Variants in VPS13A observed in about 807,000 individuals in gnomAD.
The protein encoded by VPS13A is intermembrane lipid transfer protein VPS13A.
Under a neutral mutation model 390.9 loss-of-function variants are expected in VPS13A, and 264 were observed. The ratio of observed to expected loss-of-function variants is 0.68; its 90% CI spans 0.61 to 0.75. The LOEUF (loss-of-function observed/expected upper bound fraction) is 0.75, where lower values mean the gene tolerates loss of function less well. Ranked by LOEUF, VPS13A falls within the 30% of genes least tolerant of loss-of-function variation. VPS13A has a pLI of 0.00. For missense variants in VPS13A, 3,409 were observed against 3,733.9 expected (o/e 0.91, Z 2.27); for synonymous variants, 1,231 against 1,227.1 (o/e 1.00, Z -0.07).
At chr9:77,326,058 C>T (rs1830005047) in intron 45 of VPS13A, among the ~76,000 whole-genome samples, 1 of 152,108 alleles carries the variant, frequency 6.6e-6, no homozygotes, top group African/African-American at 2.4e-5. Context: ...TTTTTCCCCC[C>T]ATACTTTAAA....
At chr9:77,286,154 C>CT (rs1012406510) in intron 31 of VPS13A, among the ~76,000 whole-genome samples, 3 of 151,848 alleles carry the variant, frequency 2.0e-5, no homozygotes, top group Admixed American at 6.6e-5. Context: ...GGAATATTTT[C>CT]TTTTTTTTAT....
Position 77,201,396 on chromosome 9 carries a change from T to C in VPS13A, c.176T>C (p.Val59Ala). 3 of 1,610,622 alleles carry C rather than the reference T, an allele frequency of 1.9e-6. No individual in the cohort carries two copies. Among genetic ancestry groups the C allele is most frequent in the Non-Finnish European group, 1.7e-6 (2 of 1,177,098 alleles). The change falls in exon 3 of 72, where the codon GTT (valine) becomes GCT (alanine). Residue 59 changes from valine to alanine, a missense_variant. Physicochemically the swap from Val to Ala is moderately conservative, Grantham distance 64. Coordinates refer to ENST00000360280, the MANE Select transcript of VPS13A (RefSeq NM_033305.3). ...CTGGATGTACCATTTAAAGTTAAAGTTGGTCACATAGGTAAGCCATATTCA... is the reference window on the plus strand; with the variant it reads ...CTGGATGTACCATTTAAAGTTAAAGCTGGTCACATAGGTAAGCCATATTCA... ...SQLDVPFKVK[V>A]GHIGNLKLII...
intron 71 of VPS13A, among the ~76,000 whole-genome samples, chr9:77,412,288 C>T (rs1168398384): frequency 1.3e-5 from 2 of 151,922 alleles, no homozygotes; most frequent in African/African-American, 2.4e-5. Context: ...AGAGACACAA[C>T]AAAAAAAGAG....
At chr9:77,377,174 A>G (rs547575193) in intron 67 of VPS13A, among the ~76,000 whole-genome samples, 35 of 150,774 alleles carry the variant, frequency 2.3e-4, no homozygotes, top group African/African-American at 7.6e-4. Flanking sequence ...CTTCTTTTTA[A>G]AAACTTATTC....
rs562124782 is a variant in VPS13A, at chr9:77,322,906, C to T, written c.5831-161C>T. On this transcript the variant is annotated intron_variant, in intron 44 of 71. Transcript: ENST00000360280. Reference sequence around the variant, plus strand: ...TTAATTAATGCTGTGGAAATATATGCTGGCTTCTTAAAATATCCCTTTTAT... The same window carrying T: ...TTAATTAATGCTGTGGAAATATATGTTGGCTTCTTAAAATATCCCTTTTAT... 1.8e-3 allele frequency among the ~76,000 whole-genome samples: 280 copies of T among 152,110 alleles called. 1 individual carries two copies. Among genetic ancestry groups the T allele is most frequent in the African/African-American group, 6.4e-3 (265 of 41,516 alleles).
intron 1 of VPS13A, among the ~76,000 whole-genome samples, chr9:77,198,115 G>C (rs1358938298): frequency 6.6e-6 from 1 of 151,962 alleles, no homozygotes; most frequent in Non-Finnish European, 1.5e-5. Flanking sequence ...GCTGTGTTTT[G>C]ATTAAAAGGT....
intron 62 of VPS13A, among the ~76,000 whole-genome samples, 197 bp from the exon 63 acceptor site, chr9:77,369,102 G>A (rs1348118954): frequency 6.6e-6 from 1 of 152,162 alleles, no homozygotes; most frequent in Non-Finnish European, 1.5e-5. Context: ...CCGCATTCCA[G>A]CCTGGGCAAC....
chr9:77,203,970 G>A (rs1401331018), intron 3 of VPS13A, among the ~76,000 whole-genome samples: 1 of 152,130 alleles, frequency 6.6e-6, no homozygotes, highest in African/African-American at 2.4e-5. Flanking sequence ...CAAGAGGATT[G>A]CTTGAGGCCA....
At chr9:77,219,837 G>A in intron 10 of VPS13A, 117 bp from the exon 11 acceptor site, 1 of 1,041,856 alleles carries the variant, frequency 9.6e-7, no homozygotes, top group Non-Finnish European at 1.5e-6. Context: ...TGAACATCTG[G>A]GAACTGTAGA....
At chr9:77,371,880 C>T (rs1201731837) in intron 67 of VPS13A, among the ~76,000 whole-genome samples, 1 of 135,050 alleles carries the variant, frequency 7.4e-6, no homozygotes, top group Non-Finnish European at 1.6e-5. Flanking sequence ...CAGTTCCCAC[C>T]TATGAGTGAG....
At chr9:77,360,431 G>A (rs573038289) in intron 58 of VPS13A, 105 bp from the exon 59 acceptor site, 4 of 849,670 alleles carry the variant, frequency 4.7e-6, no homozygotes, top group Admixed American at 1.9e-5. Context: ...ATAGTCCTAA[G>A]TTTCAAAGTT....
chr9:77,253,895 A>ATT (rs1160958412), intron 22 of VPS13A, among the ~76,000 whole-genome samples: 9 of 131,782 alleles, frequency 6.8e-5, no homozygotes, highest in Non-Finnish European at 1.5e-4. Flanking sequence ...CATTGAGTTA[A>ATT]TTTTTGTATG....
At chr9:77,366,996 C>A in intron 61 of VPS13A, 124 bp downstream of exon 61, 3 of 939,432 alleles carry the variant, frequency 3.2e-6, no homozygotes, top group East Asian at 2.7e-5. Context: ...GAGGTTTTTG[C>A]ATTCAAGTGA....
At chr9:77,414,702 C>G (rs1282627093) in intron 71 of VPS13A, among the ~76,000 whole-genome samples, 3 of 151,132 alleles carry the variant, frequency 2.0e-5, no homozygotes, top group Non-Finnish European at 1.5e-5. Flanking sequence ...AACTAACCTG[C>G]ACGTTGTGCA....
chr9:77,277,182 A>G (rs1042948132), intron 26 of VPS13A, among the ~76,000 whole-genome samples: 1 of 152,200 alleles, frequency 6.6e-6, no homozygotes, highest in African/African-American at 2.4e-5. Flanking sequence ...AGAGGCAATT[A>G]TTAGGACACC....
In VPS13A at chr9:77,213,600, A is replaced by G. The variant is rs72742574; in HGVS notation, c.696+286A>G. ...CAGCTTCTAACTCTTGGGCTCAAGCAATCATCCTTCCTGCCTCAGCCTCTT... is the reference window on the plus strand; with the variant it reads ...CAGCTTCTAACTCTTGGGCTCAAGCGATCATCCTTCCTGCCTCAGCCTCTT... On this transcript the variant is annotated intron_variant, in intron 9 of 71. Coordinates refer to ENST00000360280, the MANE Select transcript of VPS13A (RefSeq NM_033305.3). Among the ~76,000 whole-genome samples the G allele has an allele frequency of 0.055, 8,317 of 151,830 alleles. 337 individuals are homozygous for G. Among genetic ancestry groups the G allele is most frequent in the Middle Eastern group, 0.12 (36 of 294 alleles).
rs774454191 is a variant in VPS13A at position 77,365,471 on chromosome 9, T to C, written c.8223T>C (p.Phe2741=). The C allele has an allele frequency of 3.4e-5, 54 of 1,606,234 alleles. No homozygotes were observed. The Middle Eastern group carries it at 5.0e-4, about 15-fold the overall frequency. ...EVTENTEVEL[F]HKDIEAFKEE... Reference sequence around the variant, plus strand: ...TGTTCCTTTTATAGGTTGAGCTTTTTCATAAAGATATAGAAGCTTTCAAAG... The same window carrying C: ...TGTTCCTTTTATAGGTTGAGCTTTTCCATAAAGATATAGAAGCTTTCAAAG... The change falls in exon 60 of 72, where the codon TTT becomes TTC. Residue 2741 remains phenylalanine, a synonymous_variant. Coordinates refer to ENST00000360280, the MANE Select transcript of VPS13A (RefSeq NM_033305.3).
intron 61 of VPS13A, among the ~76,000 whole-genome samples, chr9:77,367,752 G>A (rs951676475): frequency 1.3e-5 from 2 of 152,166 alleles, no homozygotes; most frequent in Non-Finnish European, 2.9e-5. Flanking sequence ...GGGAAATAAA[G>A]TTCTAGTGGT....
intron 23 of VPS13A, among the ~76,000 whole-genome samples, chr9:77,264,518 G>T (rs1324048225): frequency 1.3e-5 from 2 of 152,124 alleles, no homozygotes; most frequent in African/African-American, 2.4e-5. Flanking sequence ...CACATCCCTT[G>T]TAAGTTGGAT....
Sources: gnomAD v4.1 joint callset for allele counts (sites outside exome capture counted in the v4.1 genomes callset) on GRCh38, gnomAD v4.1.1 for gene constraint, MANE v1.5 for transcripts, NCBI Gene and HGNC (gene_info 2026-07-23, HGNC 2026-07-21) for gene names.